Variants in TP63 observed in about 807,000 individuals in gnomAD.
TP63 encodes the protein tumor protein p63, also known as tumor protein 63.
Under a neutral mutation model 82.8 loss-of-function variants are expected in TP63, and 17 were observed. The ratio of observed to expected loss-of-function variants is 0.21; its 90% CI spans 0.14 to 0.31. The LOEUF (loss-of-function observed/expected upper bound fraction) is 0.31. Among genes scored for constraint, TP63 ranks in the 10% least tolerant of loss-of-function variants. The pLI is 1.00. For synonymous variants in TP63, 330 were observed against 321.7 expected, an observed-to-expected ratio of 1.03 and a Z score of -0.28; for missense variants, 648 against 895.3, an observed-to-expected ratio of 0.72 and a Z score of 3.52.
At chr3:189,648,607 C>A (rs538407965) in intron 1 of TP63, among the ~76,000 whole-genome samples, 8 of 147,370 alleles carry the variant, frequency 5.4e-5, no homozygotes, top group Non-Finnish European at 1.0e-4. Flanking sequence ...AGAAACTTTT[C>A]TCTCTCATTA....
chr3:189,651,400 G>T lies in TP63; in HGVS notation c.62+19823G>T, dbSNP rs1028707056. Reference sequence around the variant, plus strand: ...ATCTCTTCTAAAAATACGAAAATTAGCTGGGCATGGTGGCAGAAGCTTGTA... The same window carrying T: ...ATCTCTTCTAAAAATACGAAAATTATCTGGGCATGGTGGCAGAAGCTTGTA... On this transcript the variant is annotated intron_variant, in intron 1 of 13. Transcript: ENST00000264731. Among the ~76,000 whole-genome samples the T allele has an allele frequency of 4.6e-4, 68 of 146,298 alleles. 10 individuals carry two copies. The highest frequency in any genetic ancestry group is 1.7e-3 in the African/African-American group (65 of 38,896).
At chr3:189,738,915 G>A in intron 3 of TP63, 141 bp downstream of exon 3, 1 of 1,280,420 alleles carries the variant, frequency 7.8e-7, no homozygotes, top group Non-Finnish European at 1.1e-6. Context: ...GTTGTTAGCT[G>A]AGAGAAGATT....
At chr3:189,615,453 C>T in the TP63 span, among the ~76,000 whole-genome samples, 377 of 152,312 alleles carry the variant, frequency 2.5e-3, no homozygotes, top group African/African-American at 8.5e-3. Context: ...TTTCAGGTTT[C>T]TTTAATGGCA....
chr3:189,601,036 A>G, the TP63 span, among the ~76,000 whole-genome samples: 4 of 152,170 alleles, frequency 2.6e-5, no homozygotes, highest in Non-Finnish European at 5.9e-5. Flanking sequence ...TGGTATTTGC[A>G]CAACATGTTT....
At chr3:189,745,726 A>AAAAAAAAAAT in intron 3 of TP63, among the ~76,000 whole-genome samples, 1 of 150,178 alleles carries the variant, frequency 6.7e-6, no homozygotes, top group Non-Finnish European at 1.5e-5. Flanking sequence ...AAAAAAAAAA[A>AAAAAAAAAAT]AAAAAGCCAA....
At chr3:189,616,308 C>G in the TP63 span, among the ~76,000 whole-genome samples, 279 of 152,324 alleles carry the variant, frequency 1.8e-3, no homozygotes, top group Middle Eastern at 3.4e-3. Flanking sequence ...TTTCTGACAG[C>G]ATTGAGTAGA....
In TP63 at chr3:189,817,737, A is replaced by T. The variant is rs539233950; in HGVS notation, c.579+9211A>T. The stretch of plus-strand genomic sequence containing the variant: ...ATATGGGATGAAAAAATTACACATA[A>T]TTTTTTTCTGATGTAAAAGAGTTTC... On this transcript the variant is annotated intron_variant, in intron 4 of 13. Transcript: ENST00000264731. Among the ~76,000 whole-genome samples, 27 of 152,044 alleles carry T rather than the reference A, an allele frequency of 1.8e-4. No homozygotes were observed. In the East Asian group the frequency reaches 5.2e-3, roughly 29 times the overall value.
In TP63 at chr3:189,738,694, G is replaced by C. The variant is rs1348298476; in HGVS notation, c.244G>C (p.Glu82Gln). Residue 82 changes from glutamate to glutamine, a missense_variant, in exon 3 of 14, where the codon GAA (glutamate) becomes CAA (glutamine). This residue lies in a region of TP63 where 182 missense variants were observed against 213.6 expected (regional missense o/e 0.85). Transcript: ENST00000264731. ...CTTGAACTTTGTGGATGAACCATCA[G>C]AAGATGGTGCGACAAACAAGATTGA... ...IDLNFVDEPS[E>Q]DGATNKIEIS... 1.2e-6 allele frequency: 2 copies of C among 1,614,028 alleles called. No individual in the cohort carries two copies. The highest frequency in any genetic ancestry group is 2.7e-5 in the African/African-American group (2 of 74,926).
chr3:189,622,298 T>C, the TP63 span, among the ~76,000 whole-genome samples: 1 of 151,948 alleles, frequency 6.6e-6, no homozygotes, highest in Non-Finnish European at 1.5e-5. Context: ...CGTAGGACTC[T>C]GAGATTTTTG....
chr3:189,681,717 C>T (rs1352573505), intron 1 of TP63, among the ~76,000 whole-genome samples: 1 of 152,064 alleles, frequency 6.6e-6, no homozygotes, highest in African/African-American at 2.4e-5. Flanking sequence ...TCGCTGACTG[C>T]CTCTAAAAGT....
intron 4 of TP63, chr3:189,829,828 A>G: frequency 1.0e-5 from 3 of 291,054 alleles, no homozygotes; most frequent in Non-Finnish European, 1.4e-5. Context: ...TTTTTCAAAT[A>G]TTAGCCCTTT....
At chr3:189,668,512 G>A (rs923791626) in intron 1 of TP63, among the ~76,000 whole-genome samples, 5 of 152,064 alleles carry the variant, frequency 3.3e-5, no homozygotes, top group African/African-American at 9.7e-5. Context: ...AAATCCATAT[G>A]AGCTTTACAG....
intron 4 of TP63, among the ~76,000 whole-genome samples, chr3:189,858,633 G>A (rs1020435987): frequency 3.3e-5 from 5 of 152,086 alleles, no homozygotes; most frequent in Non-Finnish European, 7.3e-5. Flanking sequence ...ACCAAAATTA[G>A]CTGGGCATAG....
rs1720452873 is a variant in TP63, at chr3:189,886,432, C to T, written c.1388C>T (p.Ser463Phe). The change falls in exon 11 of 14, where the codon TCC becomes TTC. Residue 463 changes from serine to phenylalanine, a missense_variant. Coordinates refer to ENST00000264731, the MANE Select transcript of TP63 (RefSeq NM_003722.5). The stretch of plus-strand genomic sequence containing the variant: ...TCTCCATCTTCATATGGTAACAGCT[C>T]CCCACCTCTGAACAAAATGAACAGC... ...IQSPSSYGNS[S>F]PPLNKMNSMN... 6.8e-6 allele frequency: 11 copies of T among 1,614,106 alleles called. No homozygotes were observed. The highest frequency in any genetic ancestry group is 1.7e-5 in the Admixed American group (1 of 60,010).
At chr3:189,890,715 C>T in intron 12 of TP63, 74 bp from the exon 13 acceptor site, 1 of 1,418,774 alleles carries the variant, frequency 7.0e-7, no homozygotes, top group Non-Finnish European at 9.9e-7. Flanking sequence ...TGGGTTTTCC[C>T]TTATCTCGCC....
chr3:189,765,433 C>CTGTTTTTTTTTTTTTT (rs1722869780), intron 3 of TP63, among the ~76,000 whole-genome samples: 1 of 30,088 alleles, frequency 3.3e-5, no homozygotes, highest in Non-Finnish European at 5.9e-5. Context: ...CTGTCCTCTG[C>CTGTTTTTTTTTTTTTT]TTTTTTTTTT....
chr3:189,893,165 C>T (rs963387290), intron 13 of TP63, among the ~76,000 whole-genome samples: 1 of 152,160 alleles, frequency 6.6e-6, no homozygotes, highest in Non-Finnish European at 1.5e-5. Flanking sequence ...AATAATAATA[C>T]AAATGGTTAA....
intron 1 of TP63, among the ~76,000 whole-genome samples, chr3:189,731,211 G>A (rs1054619449): frequency 2.6e-5 from 4 of 152,146 alleles, no homozygotes; most frequent in Admixed American, 6.6e-5. Context: ...GAGCACAGTG[G>A]TGCATGCCTG....
intron 1 of TP63, among the ~76,000 whole-genome samples, chr3:189,651,982 C>T (rs1052941925): frequency 4.1e-5 from 6 of 146,888 alleles, no homozygotes; most frequent in Non-Finnish European, 7.4e-5. Context: ...TTTAAGAGGA[C>T]GTGTGGAAAC....
Sources: gnomAD v4.1 joint callset for allele counts (sites outside exome capture counted in the v4.1 genomes callset) on GRCh38, gnomAD v4.1.1 for gene constraint, gnomAD v4.1.1 regional missense constraint, MANE v1.5 for transcripts, NCBI Gene and HGNC (gene_info 2026-07-23, HGNC 2026-07-21) for gene names.